Variants in NRXN3 observed in about 807,000 individuals in gnomAD.
NRXN3 encodes neurexin III.
A neutral mutation model predicts 137.6 loss-of-function variants in NRXN3; 32 were observed. The observed-to-expected ratio is 0.23, with a 90% CI of 0.18 to 0.31. The LOEUF is 0.31. Ranked by LOEUF, NRXN3 falls within the 10% of genes least tolerant of loss-of-function variation. The probability of loss-of-function intolerance (pLI) is 1.00; values close to 1 mark genes in which losing one functional copy is unlikely to be tolerated. For synonymous variants in NRXN3, 798 were observed against 784.5 expected, an observed-to-expected ratio of 1.02 and a Z score of -0.29; for missense variants, 1,574 against 2,062.5, an observed-to-expected ratio of 0.76 and a Z score of 4.59.
rs1474686804 is a variant in NRXN3, at chr14:79,866,575, GAT to G, written c.*4614_*4615del. 1 of 152,222 alleles carries G rather than the reference GAT, an allele frequency of 6.6e-6. No homozygotes were observed. The highest frequency in any genetic ancestry group is 1.5e-5 in the Non-Finnish European group (1 of 68,044). 9.4% of individuals were successfully genotyped at this position (152,222 alleles called of 1,614,324 possible). A position where few individuals can be genotyped will look rare whatever the true frequency, so the allele number is the denominator to read the frequency against. ...GACTGCAAAAAGTACATTGGAGGAA[GAT>G]ATGAGTAGGAAGGTTTTTGAAATCA... On this transcript the variant is annotated 3_prime_UTR_variant, in exon 21 of 21. Coordinates refer to ENST00000335750, the MANE Select transcript of NRXN3 (RefSeq NM_001330195.2).
At chr14:79,556,068 A>T (rs2097426652) in intron 16 of NRXN3, among the ~76,000 whole-genome samples, 1 of 152,018 alleles carries the variant, frequency 6.6e-6, no homozygotes, top group African/African-American at 2.4e-5. Flanking sequence ...GATGGGGACC[A>T]TTATCACATT....
rs1337527145 is a variant in NRXN3 at position 79,645,323 on chromosome 14, C to T, written c.3445-18455C>T. Among the ~76,000 whole-genome samples the T allele has an allele frequency of 2.2e-5, 3 of 135,144 alleles. 1 individual carries two copies. The Admixed American group carries it at 2.4e-4, about 11-fold the overall frequency. 88.7% of individuals were successfully genotyped at this position (135,144 alleles called of 152,430 possible). ...TCATTCCTGGGACTGAGCCTCAGCA[C>T]AAGGATTATTTAAAAGTTAAAAATA... On this transcript the variant is annotated intron_variant, in intron 16 of 20. Transcript: ENST00000335750.
chr14:79,559,960 G>A, intron 16 of NRXN3, among the ~76,000 whole-genome samples: 1 of 151,904 alleles, frequency 6.6e-6, no homozygotes, highest in Non-Finnish European at 1.5e-5. Context: ...GGGACCTAAA[G>A]CTTGTACAAT....
At chr14:79,000,283 A>G (rs2099538786) in intron 15 of NRXN3, among the ~76,000 whole-genome samples, 1 of 151,846 alleles carries the variant, frequency 6.6e-6, no homozygotes, top group Admixed American at 6.6e-5. Flanking sequence ...ATAAATAAAT[A>G]TAAGTTTTCT....
At chr14:78,260,790 T>A (rs773994932) in intron 2 of NRXN3, among the ~76,000 whole-genome samples, 1 of 152,246 alleles carries the variant, frequency 6.6e-6, no homozygotes, top group Non-Finnish European at 1.5e-5. Context: ...AATAAACTTC[T>A]TTCTTTTGTA....
chr14:79,824,772 T>C (rs1256822186), intron 20 of NRXN3, among the ~76,000 whole-genome samples: 1 of 152,248 alleles, frequency 6.6e-6, no homozygotes, highest in East Asian at 1.9e-4. Context: ...TTAACTCTTT[T>C]GGTTTTGTTA....
chr14:79,009,332 A>G (rs10129622), intron 15 of NRXN3, among the ~76,000 whole-genome samples: 7,265 of 152,242 alleles, frequency 0.048, 629 homozygotes, highest in African/African-American at 0.17. Context: ...ATATGGTCAA[A>G]GGTGTACTTA....
At chr14:78,758,176 CTT>C (rs1201569429) in intron 8 of NRXN3, among the ~76,000 whole-genome samples, 2 of 152,160 alleles carry the variant, frequency 1.3e-5, no homozygotes, top group Admixed American at 1.3e-4. Flanking sequence ...CTGCTCACCA[CTT>C]TATAATTGTG....
At chr14:79,182,130 T>C (rs2062992111) in intron 15 of NRXN3, among the ~76,000 whole-genome samples, 1 of 152,078 alleles carries the variant, frequency 6.6e-6, no homozygotes, top group African/African-American at 2.4e-5. Flanking sequence ...TTTATGTCCT[T>C]ATTAATACTT....
chr14:78,974,246 C>G (rs12890815), intron 14 of NRXN3, among the ~76,000 whole-genome samples: 1 of 152,050 alleles, frequency 6.6e-6, no homozygotes, highest in African/African-American at 2.4e-5. Context: ...GGGGGCAGGA[C>G]TCAATCTGAA....
chr14:79,427,830 C>CAAA (rs72009535), intron 15 of NRXN3, among the ~76,000 whole-genome samples: 4 of 119,374 alleles, frequency 3.4e-5, no homozygotes, highest in Admixed American at 8.3e-5. Context: ...GACTCCATCT[C>CAAA]AAAAAAAAAA....
intron 8 of NRXN3, among the ~76,000 whole-genome samples, chr14:78,773,912 C>T (rs1487325279): frequency 6.6e-6 from 1 of 152,122 alleles, no homozygotes; most frequent in Non-Finnish European, 1.5e-5. Context: ...AGCGATTCTC[C>T]TGCCTCAGCC....
chr14:78,899,066 G>T (rs1180026803), intron 10 of NRXN3, among the ~76,000 whole-genome samples: 1 of 151,866 alleles, frequency 6.6e-6, no homozygotes, highest in African/African-American at 2.4e-5. Context: ...CCAGAGAAAA[G>T]CAGTGGGACT....
At chr14:79,738,260 T>TA (rs2154077372) in intron 19 of NRXN3, among the ~76,000 whole-genome samples, 1 of 151,806 alleles carries the variant, frequency 6.6e-6, no homozygotes, top group East Asian at 2.0e-4. Context: ...GAGTGGGCCC[T>TA]AAATATCCTC....
chr14:78,229,537 T>A (rs146530356), intron 1 of NRXN3, among the ~76,000 whole-genome samples: 44 of 152,210 alleles, frequency 2.9e-4, no homozygotes, highest in African/African-American at 8.9e-4. Context: ...GCATCTGTGA[T>A]CTATTCTACT....
chr14:79,537,064 ACATTCC>A (rs1229050875), intron 16 of NRXN3, among the ~76,000 whole-genome samples: 5 of 152,188 alleles, frequency 3.3e-5, no homozygotes, highest in African/African-American at 7.2e-5. Flanking sequence ...GAACTAATTT[ACATTCC>A]CACCAACAGT....
chr14:79,018,371 A>G (rs77639066), intron 15 of NRXN3, among the ~76,000 whole-genome samples: 1,724 of 150,996 alleles, frequency 0.011, 22 homozygotes, highest in African/African-American at 0.039. Context: ...GGAACCTTTG[A>G]TGGGAAAACT....
rs1209488770 is a variant in NRXN3 at position 79,470,396 on chromosome 14, A to G, written c.3444+2994A>G. ...TGTGAGGGCCCAGTCTTCACCTCTA[A>G]GGCGAGCACTGCATCCTCAGGAGGG... On this transcript the variant is annotated intron_variant, in intron 16 of 20. Coordinates refer to ENST00000335750, the MANE Select transcript of NRXN3 (RefSeq NM_001330195.2). 2.0e-5 allele frequency among the ~76,000 whole-genome samples: 3 copies of G among 152,136 alleles called. No homozygotes were observed. The East Asian group carries it at 5.8e-4, about 29-fold the overall frequency.
chr14:78,993,304 CAG>C (rs1401211844), intron 15 of NRXN3, among the ~76,000 whole-genome samples: 1 of 152,116 alleles, frequency 6.6e-6, no homozygotes, highest in African/African-American at 2.4e-5. Flanking sequence ...ATGCATTACT[CAG>C]TGTGCAAAGA....
Sources: allele counts gnomAD v4.1 joint callset (sites outside exome capture counted in the v4.1 genomes callset), GRCh38; gene constraint gnomAD v4.1.1; transcripts MANE v1.5; gene names NCBI Gene and HGNC (gene_info 2026-07-23, HGNC 2026-07-21).